Variants in ADGB observed in about 807,000 individuals in gnomAD.
ADGB encodes calpain-7-like protein.
ADGB carries 172 observed loss-of-function variants against 210.5 expected under a neutral mutation model. That is an observed-to-expected ratio of 0.82 (90% CI 0.72 to 0.93). The LOEUF is 0.93. ADGB is among the 40% of genes least tolerant of loss of function. The probability of loss-of-function intolerance (pLI) is 0.00; values close to 1 mark genes in which losing one functional copy is unlikely to be tolerated. For missense variants in ADGB, 2,025 were observed against 1,964.8 expected (o/e 1.03, Z -0.58); for synonymous variants, 658 against 662.7 (o/e 0.99, Z 0.11).
At chr6:146,695,010 T>A (rs1179541328) in intron 12 of ADGB, among the ~76,000 whole-genome samples, 3 of 152,200 alleles carry the variant, frequency 2.0e-5, no homozygotes, top group Admixed American at 2.0e-4. Flanking sequence ...TATTAAATAA[T>A]GTCTTTCCTT....
chr6:146,720,244 C>T (rs1325540707), intron 16 of ADGB, among the ~76,000 whole-genome samples: 1 of 152,034 alleles, frequency 6.6e-6, no homozygotes, highest in Non-Finnish European at 1.5e-5. Context: ...ATGGCTCTAC[C>T]TACTTTTTTC....
intron 35 of ADGB, among the ~76,000 whole-genome samples, chr6:146,808,444 A>G (rs750274390): frequency 2.6e-5 from 4 of 152,016 alleles, no homozygotes; most frequent in Non-Finnish European, 4.4e-5. Context: ...GTGTGATCTC[A>G]AACATCCATT....
At chr6:146,716,151 T>G (rs1442636550) in intron 14 of ADGB, among the ~76,000 whole-genome samples, 2 of 152,118 alleles carry the variant, frequency 1.3e-5, no homozygotes, top group Non-Finnish European at 2.9e-5. Flanking sequence ...AATGTGTTAC[T>G]GAAACACATT....
intron 33 of ADGB, among the ~76,000 whole-genome samples, chr6:146,795,615 C>T (rs1478389684): frequency 1.3e-5 from 2 of 152,174 alleles, no homozygotes; most frequent in Admixed American, 1.3e-4. Context: ...CCATCTCACA[C>T]CAGCCAGAAT....
rs994488749 is a variant in ADGB at position 146,740,530 on chromosome 6, C to T, written c.2960C>T (p.Ala987Val). Residue 987 changes from alanine to valine, a missense_variant, in exon 24 of 36, where the codon GCT (alanine) becomes GTT (valine). Physicochemically the swap from Ala to Val is moderately conservative, Grantham distance 64 (BLOSUM62 0). Transcript: ENST00000397944. ...PCYQDEETKI[A>V]FADYTVTYQE... ...TATCAAGATGAAGAAACTAAGATTG[C>T]TTTTGCAGATTATACTGTGACTTAT... 1.6e-5 allele frequency: 25 copies of T among 1,550,346 alleles called. No homozygotes were observed. The highest frequency in any genetic ancestry group is 2.2e-5 in the Non-Finnish European group (25 of 1,146,266).
chr6:146,670,310 A>G (rs1775990048), intron 7 of ADGB, among the ~76,000 whole-genome samples: 1 of 152,136 alleles, frequency 6.6e-6, no homozygotes, highest in Admixed American at 6.6e-5. Flanking sequence ...TCAGAGATCT[A>G]CACTGTCTGA....
intron 1 of ADGB, among the ~76,000 whole-genome samples, chr6:146,612,010 G>A (rs986545110): frequency 3.9e-5 from 6 of 152,164 alleles, no homozygotes; most frequent in Non-Finnish European, 8.8e-5. Context: ...TGAGACCAGA[G>A]TAGCAGAAGC....
intron 33 of ADGB, among the ~76,000 whole-genome samples, chr6:146,795,177 A>C (rs556866795): frequency 6.6e-6 from 1 of 152,340 alleles, no homozygotes; most frequent in African/African-American, 2.4e-5. Flanking sequence ...GAAAACCCAC[A>C]ATAATCCCTT....
intron 1 of ADGB, among the ~76,000 whole-genome samples, chr6:146,614,182 TCC>T (rs1491458860): frequency 1.3e-4 from 9 of 70,688 alleles, no homozygotes; most frequent in African/African-American, 8.5e-4. Context: ...TTTCTCTCCC[TCC>T]CTCCCTCCCT....
At chr6:146,666,210 T>C (rs1429123830) in intron 6 of ADGB, among the ~76,000 whole-genome samples, 1 of 152,040 alleles carries the variant, frequency 6.6e-6, no homozygotes, top group Non-Finnish European at 1.5e-5. Flanking sequence ...CATGTAAATG[T>C]AAATAGACTA....
chr6:146,647,524 G>T, intron 3 of ADGB, among the ~76,000 whole-genome samples: 1 of 151,948 alleles, frequency 6.6e-6, no homozygotes, highest in East Asian at 1.9e-4. Context: ...TACATGAGAG[G>T]TTTTCTGATT....
At chr6:146,700,808 G>A (rs186822622) in intron 12 of ADGB, 133 bp from the exon 13 acceptor site, 3 of 999,328 alleles carry the variant, frequency 3.0e-6, no homozygotes, top group Admixed American at 5.9e-5. Flanking sequence ...AACATTACTG[G>A]TAGTAAAAGA....
At chr6:146,774,168 A>G (rs1777691207) in intron 29 of ADGB, among the ~76,000 whole-genome samples, 1 of 152,178 alleles carries the variant, frequency 6.6e-6, no homozygotes, top group Admixed American at 6.5e-5. Flanking sequence ...TGTCAGATAT[A>G]TATGACCCAT....
At chr6:146,601,953 A>G (rs1474778553) in intron 1 of ADGB, among the ~76,000 whole-genome samples, 2 of 152,142 alleles carry the variant, frequency 1.3e-5, no homozygotes, top group Non-Finnish European at 2.9e-5. Flanking sequence ...TTCCTATTTG[A>G]TCTGCTATTG....
chr6:146,762,728 T>C (rs1030830603), intron 27 of ADGB, among the ~76,000 whole-genome samples: 2 of 152,150 alleles, frequency 1.3e-5, no homozygotes, highest in Non-Finnish European at 2.9e-5. Context: ...AGAGTTGCCA[T>C]GACTCTAGTG....
intron 7 of ADGB, among the ~76,000 whole-genome samples, chr6:146,671,380 G>A (rs1776006648): frequency 6.6e-6 from 1 of 152,186 alleles, no homozygotes; most frequent in African/African-American, 2.4e-5. Flanking sequence ...CTGAGAAAAG[G>A]TAGTATCCAA....
intron 9 of ADGB, 147 bp downstream of exon 9, chr6:146,676,588 G>A: frequency 1.3e-6 from 1 of 744,906 alleles, no homozygotes. Flanking sequence ...TCTCAGATGG[G>A]TGGGCGTGTT....
chr6:146,615,108 G>C (rs1219823031), intron 1 of ADGB, among the ~76,000 whole-genome samples: 2 of 150,972 alleles, frequency 1.3e-5, no homozygotes, highest in African/African-American at 4.9e-5. Flanking sequence ...GGGGTTTCAC[G>C]TGTTAGCCAG....
chr6:146,718,209 T>C (rs1364453986), intron 16 of ADGB, among the ~76,000 whole-genome samples: 3 of 152,012 alleles, frequency 2.0e-5, no homozygotes, highest in Admixed American at 6.5e-5. Context: ...TAGCCAGGTG[T>C]GGTGGCATGC....
Sources: gnomAD v4.1 joint callset for allele counts (sites outside exome capture counted in the v4.1 genomes callset) on GRCh38, gnomAD v4.1.1 for gene constraint, MANE v1.5 for transcripts, NCBI Gene and HGNC (gene_info 2026-07-23, HGNC 2026-07-21) for gene names.